Variants in MRPS35 observed in about 807,000 individuals in gnomAD.
The protein encoded by MRPS35 is small ribosomal subunit protein mS35.
In MRPS35, 29 loss-of-function variants were observed where a neutral mutation model predicts 32.7. The ratio of observed to expected loss-of-function variants is 0.89; its 90% CI spans 0.66 to 1.21. The LOEUF (loss-of-function observed/expected upper bound fraction) is 1.21, where lower values mean the gene tolerates loss of function less well. Among genes scored for constraint, MRPS35 ranks in the 50% most tolerant of loss-of-function variants. MRPS35 has a pLI of 0.00. For synonymous variants in MRPS35, 148 were observed against 139.3 expected, an observed-to-expected ratio of 1.06 and a Z score of -0.44; for missense variants, 373 against 383.8, an observed-to-expected ratio of 0.97 and a Z score of 0.23.
At chr12:27,711,123 C>T (rs1347700509) in intron 1 of MRPS35, among the ~76,000 whole-genome samples, 168 bp downstream of exon 1, 1 of 152,244 alleles carries the variant, frequency 6.6e-6, no homozygotes, top group African/African-American at 2.4e-5. Flanking sequence ...CTGTGCTCTG[C>T]ACCCGCGTTG....
In MRPS35 at chr12:27,725,640, A is replaced by G. The variant is rs867449369; in HGVS notation, c.522+1454A>G. ...GGCCTGCTTTCCTGTGCTCTCACCA[A>G]CCTACATATTACCTGTCAACTTGAT... On this transcript the variant is annotated intron_variant, in intron 5 of 7. Coordinates refer to ENST00000081029, the MANE Select transcript of MRPS35 (RefSeq NM_021821.4). 16 of 204,638 alleles carry G rather than the reference A, an allele frequency of 7.8e-5. No homozygotes were observed. The Middle Eastern group carries it at 6.2e-3, about 79-fold the overall frequency. The allele number at this position is 204,638 out of a possible 1,614,324, so 12.7% of individuals were successfully genotyped here.
At chr12:27,724,311 GGAGA>G in intron 5 of MRPS35, 125 bp downstream of exon 5, 1 of 791,628 alleles carries the variant, frequency 1.3e-6, no homozygotes, top group Non-Finnish European at 1.8e-6. Flanking sequence ...GGCCAAGGTG[GGAGA>G]ATTGCTTGAG....
intron 3 of MRPS35, 21 bp from the exon 4 acceptor site, chr12:27,719,786 CT>C: frequency 2.0e-6 from 3 of 1,478,894 alleles, no homozygotes; most frequent in Non-Finnish European, 2.8e-6. Context: ...GCTAATTTAT[CT>C]TTTAAATTTC....
chr12:27,719,220 T>C (rs2061863139), intron 3 of MRPS35, among the ~76,000 whole-genome samples: 1 of 152,342 alleles, frequency 6.6e-6, no homozygotes, highest in East Asian at 1.9e-4. Flanking sequence ...TTTTTCATCA[T>C]GATTGTCATT....
chr12:27,711,015 C>T (rs2061818300), intron 1 of MRPS35, 60 bp downstream of exon 1: 1 of 1,493,334 alleles, frequency 6.7e-7, no homozygotes, highest in Non-Finnish European at 9.2e-7. Flanking sequence ...GAATACCGGC[C>T]TCATGAAGGG....
At chr12:27,733,045 G>T (rs2061929228) in intron 5 of MRPS35, among the ~76,000 whole-genome samples, 1 of 133,504 alleles carries the variant, frequency 7.5e-6, no homozygotes, top group Non-Finnish European at 1.6e-5. Context: ...TATATATCCA[G>T]CACCTCCTGT....
At chr12:27,752,077 CA>C (rs1229016856) in intron 7 of MRPS35, among the ~76,000 whole-genome samples, 7 of 74,226 alleles carry the variant, frequency 9.4e-5, no homozygotes, top group Admixed American at 1.4e-4. Context: ...CCTGTCTCTA[CA>C]AAAAAAAAAA....
intron 7 of MRPS35, 145 bp from the exon 8 acceptor site, chr12:27,755,036 G>T: frequency 1.1e-6 from 1 of 877,700 alleles, no homozygotes; most frequent in Non-Finnish European, 1.7e-6. Flanking sequence ...ACAAGGTGTT[G>T]GCCAGGGCCT....
At chr12:27,742,883 GT>G (rs1473439791) in intron 7 of MRPS35, among the ~76,000 whole-genome samples, 1 of 152,020 alleles carries the variant, frequency 6.6e-6, no homozygotes, top group Non-Finnish European at 1.5e-5. Context: ...TGAAGACTGA[GT>G]TTTGCTTTGT....
At chr12:27,745,966 T>G (rs529451657) in intron 7 of MRPS35, among the ~76,000 whole-genome samples, 1 of 152,332 alleles carries the variant, frequency 6.6e-6, no homozygotes, top group African/African-American at 2.4e-5. Flanking sequence ...AGTCTATCAT[T>G]GTTGGACATT....
chr12:27,752,410 T>C lies in MRPS35; in HGVS notation c.703-2771T>C, dbSNP rs576924994. Among the ~76,000 whole-genome samples, 50 of 152,346 alleles carry C rather than the reference T, an allele frequency of 3.3e-4. 1 individual carries two copies. Among genetic ancestry groups the C allele is most frequent in the African/African-American group, 1.1e-3 (46 of 41,576 alleles). ...TTATTAGTGGATTTACTTTGATTAA[T>C]TCCTCTGCGTAAGCATCTATTTTGA... On this transcript the variant is annotated intron_variant, in intron 7 of 7. Coordinates refer to ENST00000081029, the MANE Select transcript of MRPS35 (RefSeq NM_021821.4).
intron 5 of MRPS35, among the ~76,000 whole-genome samples, chr12:27,733,484 C>G (rs996040549): frequency 5.9e-5 from 9 of 152,072 alleles, no homozygotes; most frequent in Non-Finnish European, 1.2e-4. Context: ...TATTGTTAGA[C>G]ATTATTATGA....
intron 7 of MRPS35, among the ~76,000 whole-genome samples, chr12:27,737,923 TG>T (rs1168977443): frequency 6.6e-6 from 1 of 152,220 alleles, no homozygotes; most frequent in Non-Finnish European, 1.5e-5. Flanking sequence ...AATAATTATC[TG>T]TATAATTTGA....
chr12:27,726,307 C>T (rs2061900364), intron 5 of MRPS35, among the ~76,000 whole-genome samples: 1 of 152,042 alleles, frequency 6.6e-6, no homozygotes, highest in Non-Finnish European at 1.5e-5. Context: ...TAGGTTTCAT[C>T]TGTTGTAGCA....
chr12:27,738,143 T>C (rs2061949677), intron 7 of MRPS35, among the ~76,000 whole-genome samples: 1 of 152,174 alleles, frequency 6.6e-6, no homozygotes, highest in South Asian at 2.1e-4. Flanking sequence ...AGACTTTAGA[T>C]TTTTTCAGAT....
intron 5 of MRPS35, among the ~76,000 whole-genome samples, chr12:27,729,103 G>A (rs2061911440): frequency 6.6e-6 from 1 of 151,990 alleles, no homozygotes; most frequent in South Asian, 2.1e-4. Context: ...ATTCTTTTTG[G>A]TCCTCGAAGT....
intron 5 of MRPS35, among the ~76,000 whole-genome samples, chr12:27,730,222 A>G (rs749621333): frequency 6.6e-6 from 1 of 152,102 alleles, no homozygotes; most frequent in Non-Finnish European, 1.5e-5. Context: ...CCAGAATCCC[A>G]TCCAGTTTAC....
At chr12:27,728,752 G>T (rs2061910021) in intron 5 of MRPS35, among the ~76,000 whole-genome samples, 1 of 151,988 alleles carries the variant, frequency 6.6e-6, no homozygotes, top group Non-Finnish European at 1.5e-5. Flanking sequence ...AAGAGACAGG[G>T]TATTTATCTT....
At chr12:27,723,596 A>C (rs1196366260) in intron 4 of MRPS35, among the ~76,000 whole-genome samples, 1 of 151,608 alleles carries the variant, frequency 6.6e-6, no homozygotes. Flanking sequence ...GTTTCTTCTT[A>C]GGGCTTTTTG....
Sources: gnomAD v4.1 joint callset for allele counts (sites outside exome capture counted in the v4.1 genomes callset) on GRCh38, gnomAD v4.1.1 for gene constraint, MANE v1.5 for transcripts, NCBI Gene and HGNC (gene_info 2026-07-23, HGNC 2026-07-21) for gene names.